The following RYR3 variants were observed in gnomAD, a reference collection of about 807,000 sequenced individuals.
The protein encoded by RYR3 is brain ryanodine receptor-calcium release channel.
In RYR3, 207 loss-of-function variants were observed where a neutral mutation model predicts 584.3. That is an observed-to-expected ratio of 0.35 (90% CI 0.32 to 0.40). The LOEUF (loss-of-function observed/expected upper bound fraction) is 0.40, where lower values mean the gene tolerates loss of function less well. RYR3 is among the 10% of genes least tolerant of loss of function. RYR3 has a pLI of 1.00. For synonymous variants in RYR3, 2,416 were observed against 2,248.5 expected (o/e 1.07, Z -2.11); for missense variants, 5,616 against 6,089.2 (o/e 0.92, Z 2.59).
intron 3 of RYR3, among the ~76,000 whole-genome samples, chr15:33,518,052 T>C (rs1381306149): frequency 6.6e-6 from 1 of 152,258 alleles, no homozygotes; most frequent in Non-Finnish European, 1.5e-5. Context: ...TGGATGCATA[T>C]TGATGACTGG....
At chr15:33,425,834 G>A (rs1461486011) in intron 1 of RYR3, among the ~76,000 whole-genome samples, 5 of 151,856 alleles carry the variant, frequency 3.3e-5, no homozygotes, top group African/African-American at 1.2e-4. Context: ...AGTAGAGACG[G>A]GGTTTCACCG....
chr15:33,311,193 G>C lies in RYR3; in HGVS notation c.51+97G>C. The C allele has an allele frequency of 1.0e-6, 1 of 956,606 alleles. No individual in the cohort carries two copies. Among genetic ancestry groups the C allele is most frequent in the South Asian group, 3.0e-5 (1 of 33,714 alleles). The allele number at this position is 956,606 out of a possible 1,614,324, so 59.3% of individuals were successfully genotyped here. ...GCTGCGCTGCGCCGCGGTGCCGGGT[G>C]CCCGGTGCCGGGCGCTTTCTCCGCA... On this transcript the variant is annotated intron_variant, in intron 1 of 103. Transcript: ENST00000634891. This position sits in a 1 kb window ranked among gnomAD's most constrained non-coding sequence, Gnocchi z 4.4.
chr15:33,562,990 C>T lies in RYR3; in HGVS notation c.1126C>T (p.Leu376=). The T allele has an allele frequency of 6.2e-7, 1 of 1,609,660 alleles. No individual in the cohort carries two copies. The highest frequency in any genetic ancestry group is 2.2e-5 in the East Asian group (1 of 44,798). The stretch of plus-strand genomic sequence containing the variant: ...AGCACAAGACGCCAAAACTTCCCGC[C>T]TGGGACCTCTAAAAAGAAAGGTGAG... The part of the protein sequence containing the change: ...YKAQDAKTSR[L]GPLKRKVILH... Residue 376 remains leucine (L), a synonymous_variant, in exon 11 of 104, where the codon CTG becomes TTG. Coordinates refer to ENST00000634891, the MANE Select transcript of RYR3 (RefSeq NM_001036.6).
chr15:33,492,425 T>C (rs1399648979), intron 2 of RYR3, among the ~76,000 whole-genome samples: 2 of 151,666 alleles, frequency 1.3e-5, no homozygotes, highest in Non-Finnish European at 2.9e-5. Flanking sequence ...ATTTTTTAAA[T>C]CTAGAATTTG....
intron 1 of RYR3, among the ~76,000 whole-genome samples, chr15:33,336,699 A>C (rs1034525006): frequency 1.3e-5 from 2 of 151,554 alleles, no homozygotes; most frequent in Admixed American, 6.6e-5. Flanking sequence ...GAGAAAGAAG[A>C]AGCTGTGCAG....
chr15:33,335,545 A>C (rs2140732341), intron 1 of RYR3, among the ~76,000 whole-genome samples: 1 of 152,218 alleles, frequency 6.6e-6, no homozygotes, highest in African/African-American at 2.4e-5. Flanking sequence ...GAGGGTGGGA[A>C]GAAGGAAAAA....
At chr15:33,660,489 C>G in intron 34 of RYR3, 66 bp downstream of exon 34, 1 of 1,123,290 alleles carries the variant, frequency 8.9e-7, no homozygotes, top group Non-Finnish European at 1.3e-6. Context: ...CCAAGCCAGC[C>G]CAGAAGGAAA....
At chr15:33,606,024 T>C (rs747607364) in intron 18 of RYR3, among the ~76,000 whole-genome samples, 18 of 152,208 alleles carry the variant, frequency 1.2e-4, no homozygotes, top group Non-Finnish European at 1.8e-4. Flanking sequence ...AACATACTTA[T>C]TAAAGTACAA....
At chr15:33,833,170 T>G (rs1420011067) in intron 86 of RYR3, among the ~76,000 whole-genome samples, 1 of 152,208 alleles carries the variant, frequency 6.6e-6, no homozygotes, top group African/African-American at 2.4e-5. Context: ...TATATCCATC[T>G]TGCTGAGACA....
Position 33,602,108 on chromosome 15 carries a change from G to A in RYR3, c.1922+556G>A, listed in dbSNP as rs372747870. On this transcript the variant is annotated intron_variant, in intron 17 of 103. Transcript: ENST00000634891. Reference sequence around the variant, plus strand: ...CTGGACTGGGACTAGGCAGGTCTGCGGTTTTGTAGCCACTTTCTACCTAGG... The same window carrying A: ...CTGGACTGGGACTAGGCAGGTCTGCAGTTTTGTAGCCACTTTCTACCTAGG... Among the ~76,000 whole-genome samples, 6 of 152,242 alleles carry A rather than the reference G, an allele frequency of 3.9e-5. No individual in the cohort carries two copies. The East Asian group carries it at 9.7e-4, about 25-fold the overall frequency.
chr15:33,834,794 C>T (rs2077932671), intron 86 of RYR3, among the ~76,000 whole-genome samples, 174 bp from the exon 87 acceptor site: 1 of 152,140 alleles, frequency 6.6e-6, no homozygotes, highest in African/African-American at 2.4e-5. Flanking sequence ...GATATGGTAT[C>T]CTATAATCAG....
At chr15:33,329,647 C>T (rs1970144962) in intron 1 of RYR3, among the ~76,000 whole-genome samples, 3 of 152,172 alleles carry the variant, frequency 2.0e-5, no homozygotes, top group Non-Finnish European at 4.4e-5. Context: ...AATGCTTACT[C>T]ACCAGTTCTC....
Position 33,623,845 on chromosome 15 carries a change from A to G in RYR3, c.2396A>G (p.Lys799Arg). 2 of 1,613,818 alleles carry G rather than the reference A, an allele frequency of 1.2e-6. No homozygotes were observed. Among genetic ancestry groups the G allele is most frequent in the Non-Finnish European group, 1.7e-6 (2 of 1,179,726 alleles). Residue 799 changes from lysine (K) to arginine (R), a missense_variant, in exon 20 of 104, where the codon AAG becomes AGG. Lys to Arg is a conservative substitution (Grantham distance 26). Transcript: ENST00000634891. ...FLMGGRHGEF[K>R]FLPPSGYAPC... Reference sequence around the variant, plus strand: ...ATGGGTGGACGTCATGGAGAGTTTAAGTTCCTGCCTCCCTCTGGCTATGCC... The same window carrying G: ...ATGGGTGGACGTCATGGAGAGTTTAGGTTCCTGCCTCCCTCTGGCTATGCC...
intron 36 of RYR3, among the ~76,000 whole-genome samples, chr15:33,666,429 G>A (rs547044969): frequency 4.6e-5 from 7 of 152,238 alleles, no homozygotes; most frequent in Non-Finnish European, 8.8e-5. Context: ...GACACTTACC[G>A]CTATGAGATT....
At chr15:33,510,653 A>G (rs1435026812) in intron 3 of RYR3, among the ~76,000 whole-genome samples, 2 of 149,888 alleles carry the variant, frequency 1.3e-5, no homozygotes, top group East Asian at 3.9e-4. Flanking sequence ...ATTTTAGGGG[A>G]CATATCATGT....
intron 61 of RYR3, among the ~76,000 whole-genome samples, 190 bp downstream of exon 61, chr15:33,768,897 A>G (rs1249115934): frequency 6.6e-6 from 1 of 152,094 alleles, no homozygotes; most frequent in Non-Finnish European, 1.5e-5. Context: ...GATTTTCCAC[A>G]CCAATGAAAA....
rs1405341035 is a variant in RYR3, at chr15:33,845,010, T to G, written c.13445T>G (p.Ile4482Ser). The G allele has an allele frequency of 1.2e-6, 2 of 1,614,024 alleles. No individual in the cohort carries two copies. The highest frequency in any genetic ancestry group is 1.7e-6 in the Non-Finnish European group (2 of 1,179,882). ...GCACCAACCCTGCGTGCCCTGGCCA[T>G]CATCCATACCATCATCTCTCTAGTC... ...YMAPTLRALA[I>S]IHTIISLVCV... The change falls in exon 93 of 104, where the codon ATC becomes AGC. Residue 4482 changes from isoleucine to serine, a missense_variant. Ile to Ser is a moderately radical substitution (Grantham distance 142). Transcript: ENST00000634891.
chr15:33,403,427 G>C (rs1250988932), intron 1 of RYR3, among the ~76,000 whole-genome samples: 1 of 152,158 alleles, frequency 6.6e-6, no homozygotes, highest in Non-Finnish European at 1.5e-5. Context: ...TTGTGTGTGG[G>C]GGTGGATGTC....
chr15:33,467,845 G>GTATT lies in RYR3; in HGVS notation c.52-5560_52-5557dup, dbSNP rs535802194. On this transcript the variant is annotated intron_variant, in intron 1 of 103. Coordinates refer to ENST00000634891, the MANE Select transcript of RYR3 (RefSeq NM_001036.6). ...TCATGGGGAATAGAGAAATCTTGTT[G>GTATT]TATTTATTTATTTATTTTAGCACTC... is the stretch of plus-strand genomic sequence containing the variant. Among the ~76,000 whole-genome samples the GTATT allele has an allele frequency of 7.1e-4, 108 of 152,268 alleles. 1 individual carries two copies. The South Asian group carries it at 0.022, about 31-fold the overall frequency.
Sources: allele counts gnomAD v4.1 joint callset (sites outside exome capture counted in the v4.1 genomes callset), GRCh38; gene constraint gnomAD v4.1.1; non-coding constraint Gnocchi (gnomAD v3.1); transcripts MANE v1.5; gene names NCBI Gene and HGNC (gene_info 2026-07-23, HGNC 2026-07-21).